Variants in TPTE observed in about 807,000 individuals in gnomAD.
The protein encoded by TPTE is transmembrane phosphatase with tensin homology, also known as putative tyrosine-protein phosphatase TPTE.
In TPTE, 59 loss-of-function variants were observed where a neutral mutation model predicts 84.1. The observed-to-expected ratio is 0.70, with a 90% CI of 0.57 to 0.87. The LOEUF is 0.87. Among genes scored for constraint, TPTE ranks in the 40% least tolerant of loss-of-function variants. The pLI, the probability that TPTE is intolerant of heterozygous loss-of-function variation, is 0.00. For missense variants in TPTE, 382 were observed against 659.6 expected (o/e 0.58, Z 4.61); for synonymous variants, 130 against 223.5 (o/e 0.58, Z 3.73).
At chr21:10,581,730 T>C (rs1170105543) in intron 17 of TPTE, among the ~76,000 whole-genome samples, 89 of 152,268 alleles carry the variant, frequency 5.8e-4, no homozygotes, top group African/African-American at 2.1e-3. Context: ...TACAAAAGTT[T>C]GTAAATTTTT....
intron 7 of TPTE, among the ~76,000 whole-genome samples, chr21:10,552,131 T>C (rs1484929030): frequency 2.6e-5 from 4 of 152,308 alleles, no homozygotes; most frequent in Non-Finnish European, 5.9e-5. Context: ...ATTAGCATTT[T>C]TTAACCAATA....
intron 3 of TPTE, among the ~76,000 whole-genome samples, chr21:10,534,444 T>C (rs1163220066): frequency 6.6e-6 from 1 of 152,306 alleles, no homozygotes; most frequent in Non-Finnish European, 1.5e-5. Flanking sequence ...TGCATGTGTT[T>C]TGTTTGTTTT....
chr21:10,575,027 C>T (rs1397693917), intron 14 of TPTE, among the ~76,000 whole-genome samples: 1 of 152,312 alleles, frequency 6.6e-6, no homozygotes, highest in African/African-American at 2.4e-5. Context: ...TCCTTGGCAC[C>T]TCACAAGTTA....
Position 10,569,681 on chromosome 21 carries a change from A to G in TPTE, c.667-2A>G. On this transcript the variant is annotated splice_acceptor_variant, in intron 12 of 23. Coordinates refer to ENST00000618007, the MANE Select transcript of TPTE (RefSeq NM_199261.4). LOFTEE classifies it high-confidence loss of function. ...AAACTAATGACGATTTTAAACTGTC[A>G]GGTTTCAGAAAACAAAAGGCGATAC... 1 of 1,614,032 alleles carries G rather than the reference A, an allele frequency of 6.2e-7. No homozygotes were observed.
At chr21:10,536,267 C>A (rs576104808) in intron 3 of TPTE, among the ~76,000 whole-genome samples, 2 of 152,416 alleles carry the variant, frequency 1.3e-5, no homozygotes, top group South Asian at 2.1e-4. Flanking sequence ...GAGAGTGAGA[C>A]TCCGCCTAAA....
chr21:10,540,981 A>G (rs1200684245), intron 4 of TPTE, 131 bp from the exon 5 acceptor site: 3 of 1,378,058 alleles, frequency 2.2e-6, no homozygotes, highest in African/African-American at 1.4e-5. Context: ...TCCCAGGTCA[A>G]TTTAGTGATA....
intron 3 of TPTE, among the ~76,000 whole-genome samples, chr21:10,537,793 A>C (rs1425793286): frequency 2.0e-5 from 3 of 152,308 alleles, no homozygotes; most frequent in Non-Finnish European, 4.4e-5. Flanking sequence ...CATTCATATT[A>C]AATCAAGGCA....
chr21:10,574,232 T>C (rs1405143717), intron 14 of TPTE, among the ~76,000 whole-genome samples: 7 of 152,288 alleles, frequency 4.6e-5, no homozygotes, highest in African/African-American at 9.6e-5. Context: ...ACAATACTTA[T>C]TATACCTCAA....
At chr21:10,565,745 C>T (rs373820269) in intron 10 of TPTE, among the ~76,000 whole-genome samples, 4 of 152,420 alleles carry the variant, frequency 2.6e-5, no homozygotes, top group East Asian at 3.9e-4. Flanking sequence ...GTGCCAAGAA[C>T]GTACATTGAA....
chr21:10,568,588 T>TGGAA (rs1414236951), intron 11 of TPTE, among the ~76,000 whole-genome samples: 3 of 152,304 alleles, frequency 2.0e-5, no homozygotes, highest in Non-Finnish European at 4.4e-5. Context: ...CTAGCTTCCC[T>TGGAA]GGACTACAGC....
rs4113746 is a variant in TPTE at position 10,527,367 on chromosome 21, A to G, written c.-89A>G. The G allele has an allele frequency of 0.14, 21,014 of 146,272 alleles. No individual in the cohort carries two copies. The highest frequency in any genetic ancestry group is 0.19 in the Non-Finnish European group (12,479 of 64,252). 9.1% of individuals were successfully genotyped at this position (146,272 alleles called of 1,614,324 possible). A position where few individuals can be genotyped will look rare whatever the true frequency, so the allele number is the denominator to read the frequency against. On this transcript the variant is annotated 5_prime_UTR_variant, in exon 3 of 24. Transcript: ENST00000618007. ...TACTCTTTGGTAGAGTTATGGATTCACTACCAGATTCTACTGTATGCTCTT... is the reference window on the plus strand; with the variant it reads ...TACTCTTTGGTAGAGTTATGGATTCGCTACCAGATTCTACTGTATGCTCTT...
At chr21:10,562,269 T>C (rs4041813) in intron 10 of TPTE, among the ~76,000 whole-genome samples, 2 of 152,300 alleles carry the variant, frequency 1.3e-5, no homozygotes, top group African/African-American at 4.8e-5. Flanking sequence ...GAAAGATGGG[T>C]ACAAACAAGC....
intron 17 of TPTE, among the ~76,000 whole-genome samples, chr21:10,586,567 CATCT>C (rs2075369870): frequency 6.6e-6 from 1 of 152,306 alleles, no homozygotes; most frequent in African/African-American, 2.4e-5. Flanking sequence ...GTTCTATGTA[CATCT>C]ATTTAACTCT....
rs2074688278 is a variant in TPTE at position 10,556,564 on chromosome 21, A to G, written c.234-2930A>G. Among the ~76,000 whole-genome samples, 3 of 152,430 alleles carry G rather than the reference A, an allele frequency of 2.0e-5. No homozygotes were observed. The South Asian group carries it at 6.2e-4, about 32-fold the overall frequency. On this transcript the variant is annotated intron_variant, in intron 8 of 23. Coordinates refer to ENST00000618007, the MANE Select transcript of TPTE (RefSeq NM_199261.4). The stretch of plus-strand genomic sequence containing the variant: ...ATCCTTTGGGTATATACCCAGTAAT[A>G]GGATGGCTGGGTCAAATGGTGTTTC...
At chr21:10,540,097 G>A (rs2074340407) in intron 4 of TPTE, among the ~76,000 whole-genome samples, 3 of 152,302 alleles carry the variant, frequency 2.0e-5, no homozygotes, top group Admixed American at 2.0e-4. Context: ...CTTAAGTCTA[G>A]GAAGTTACAT....
rs761670316 is a variant in TPTE, at chr21:10,561,093, T to C, written c.348T>C (p.Thr116=). 3 of 1,612,122 alleles carry C rather than the reference T, an allele frequency of 1.9e-6. No individual in the cohort carries two copies. The East Asian group carries it at 6.7e-5, about 36-fold the overall frequency. ...VTLILADLIF[T]DSKLYIPLEY... ...TCATCCTTGCCGACCTAATTTTCAC[T>C]GACAGCAAACTTTATATTCCTTTGG... The change falls in exon 10 of 24, where the codon ACT becomes ACC. Residue 116 remains threonine (T), a synonymous_variant. Transcript: ENST00000618007.
At chr21:10,570,408 C>T in intron 13 of TPTE, 77 bp from the exon 14 acceptor site, 1 of 1,607,640 alleles carries the variant, frequency 6.2e-7, no homozygotes, top group Non-Finnish European at 8.5e-7. Context: ...GGAATCTGAT[C>T]ATGTATAAAT....
chr21:10,589,224 G>A (rs1222222332), intron 17 of TPTE, among the ~76,000 whole-genome samples: 1 of 152,216 alleles, frequency 6.6e-6, no homozygotes, highest in South Asian at 2.1e-4. Context: ...TCCCTAGAGG[G>A]TGTGACTGTA....
intron 10 of TPTE, among the ~76,000 whole-genome samples, chr21:10,563,084 G>A (rs1302312953): frequency 1.3e-5 from 2 of 152,312 alleles, no homozygotes; most frequent in African/African-American, 2.4e-5. Flanking sequence ...AACGTTTCAG[G>A]CCAGGAGAGA....
Sources: gnomAD v4.1 joint callset for allele counts (sites outside exome capture counted in the v4.1 genomes callset) on GRCh38, gnomAD v4.1.1 for gene constraint, MANE v1.5 for transcripts, NCBI Gene and HGNC (gene_info 2026-07-23, HGNC 2026-07-21) for gene names.